Variants in NR3C1 observed in about 807,000 individuals in gnomAD.
NR3C1 encodes the protein glucocorticoid receptor.
Under a neutral mutation model 74.0 loss-of-function variants are expected in NR3C1, and 14 were observed. That is an observed-to-expected ratio of 0.19 (90% CI 0.12 to 0.30). The LOEUF is 0.30. Among genes scored for constraint, NR3C1 ranks in the 10% least tolerant of loss-of-function variants. The pLI is 1.00. For missense variants in NR3C1, 695 were observed against 909.8 expected (o/e 0.76, Z 3.04); for synonymous variants, 308 against 332.5 (o/e 0.93, Z 0.80).
intron 7 of NR3C1, among the ~76,000 whole-genome samples, chr5:143,292,997 T>C (rs1816294056): frequency 6.6e-6 from 1 of 152,240 alleles, no homozygotes. Context: ...TTGTGGTTTA[T>C]ATACACAAAC....
chr5:143,331,943 A>G (rs1826031845), intron 2 of NR3C1, among the ~76,000 whole-genome samples: 1 of 152,208 alleles, frequency 6.6e-6, no homozygotes, highest in Non-Finnish European at 1.5e-5. Context: ...AAGTTTAACA[A>G]AAAAGAATTG....
intron 1 of NR3C1, among the ~76,000 whole-genome samples, chr5:143,431,218 C>T (rs974649935): frequency 1.3e-5 from 2 of 152,062 alleles, no homozygotes; most frequent in Non-Finnish European, 2.9e-5. Flanking sequence ...ACACCCTTCC[C>T]CAGTGCATTC....
intron 2 of NR3C1, among the ~76,000 whole-genome samples, chr5:143,382,642 T>C (rs1836457676): frequency 6.6e-6 from 1 of 152,234 alleles, no homozygotes; most frequent in Non-Finnish European, 1.5e-5. Flanking sequence ...TTAGTCAGAT[T>C]CATACCCAGG....
At chr5:143,324,877 C>G (rs1189144402) in intron 2 of NR3C1, among the ~76,000 whole-genome samples, 2 of 152,184 alleles carry the variant, frequency 1.3e-5, no homozygotes, top group Non-Finnish European at 2.9e-5. Context: ...TGCTGCCAGT[C>G]TTTTTGCTAA....
chr5:143,313,121 T>A (rs1038593412), intron 3 of NR3C1, among the ~76,000 whole-genome samples: 1 of 152,246 alleles, frequency 6.6e-6, no homozygotes, highest in African/African-American at 2.4e-5. Flanking sequence ...AAAAAATTAA[T>A]ATAATCAGAG....
At chr5:143,379,778 G>T (rs1014698590) in intron 2 of NR3C1, among the ~76,000 whole-genome samples, 7 of 152,158 alleles carry the variant, frequency 4.6e-5, no homozygotes, top group Admixed American at 2.6e-4. Flanking sequence ...ACCATTCATT[G>T]CTACAGCCAA....
intron 1 of NR3C1, chr5:143,402,792 A>G (rs1265805765): frequency 1.0e-6 from 1 of 985,426 alleles, no homozygotes; most frequent in East Asian, 1.1e-4. Flanking sequence ...GGTGGCGTGC[A>G]AATATTCGGG....
intron 5 of NR3C1, among the ~76,000 whole-genome samples, 197 bp from the exon 6 acceptor site, chr5:143,299,009 T>TTG (rs1306668640): frequency 6.8e-6 from 1 of 146,552 alleles, no homozygotes; most frequent in Non-Finnish European, 1.5e-5. Context: ...TCTTGTGTTT[T>TTG]TTTTTTTTTT....
intron 1 of NR3C1, among the ~76,000 whole-genome samples, chr5:143,433,432 A>G: frequency 7.2e-6 from 1 of 139,270 alleles, no homozygotes; most frequent in Admixed American, 7.5e-5. Context: ...TTATATATAT[A>G]TATAATTTAT....
chr5:143,357,962 AC>A (rs755246234), intron 2 of NR3C1, among the ~76,000 whole-genome samples: 35 of 152,338 alleles, frequency 2.3e-4, no homozygotes, highest in Admixed American at 3.9e-4. Flanking sequence ...TAACAAAAAA[AC>A]GTAAGCACTT....
At chr5:143,306,296 A>G (rs555635914) in intron 4 of NR3C1, among the ~76,000 whole-genome samples, 45 of 152,310 alleles carry the variant, frequency 3.0e-4, no homozygotes, top group African/African-American at 1.0e-3. Flanking sequence ...TTCTGGGGCT[A>G]TCATCGAAAC....
chr5:143,405,012 A>G, upstream of NR3C1: 1 of 570,218 alleles, frequency 1.8e-6, no homozygotes, highest in Non-Finnish European at 2.2e-6. Context: ...TCCAAGGGGA[A>G]GGGAACTCGT....
At chr5:143,303,250 G>T in intron 4 of NR3C1, among the ~76,000 whole-genome samples, 1 of 140,868 alleles carries the variant, frequency 7.1e-6, no homozygotes, top group Non-Finnish European at 1.6e-5. Flanking sequence ...TGTGGGTGGG[G>T]GGGCGGGTGG....
At chr5:143,429,443 T>C (rs1305244941) in intron 1 of NR3C1, among the ~76,000 whole-genome samples, 1 of 152,126 alleles carries the variant, frequency 6.6e-6, no homozygotes, top group Non-Finnish European at 1.5e-5. Flanking sequence ...GGCATGAAAA[T>C]GTTAAGAGAT....
intron 1 of NR3C1, among the ~76,000 whole-genome samples, chr5:143,411,057 T>G (rs1841274822): frequency 6.6e-6 from 1 of 152,326 alleles, no homozygotes; most frequent in South Asian, 2.1e-4. Context: ...TTTTACTCCA[T>G]TTTACTATTA....
intron 2 of NR3C1, among the ~76,000 whole-genome samples, chr5:143,317,618 C>G (rs1304391843): frequency 6.6e-6 from 1 of 152,058 alleles, no homozygotes; most frequent in African/African-American, 2.4e-5. Context: ...TGTTAGAGTT[C>G]AGAGAGAGAA....
intron 1 of NR3C1, chr5:143,402,883 G>C: frequency 1.0e-6 from 1 of 966,772 alleles, no homozygotes; most frequent in Non-Finnish European, 1.2e-6. Flanking sequence ...GGGGACACTA[G>C]GGGGAGAAAA....
At chr5:143,419,693 C>A (rs1227407375) in intron 1 of NR3C1, among the ~76,000 whole-genome samples, 1 of 152,130 alleles carries the variant, frequency 6.6e-6, no homozygotes, top group Non-Finnish European at 1.5e-5. Flanking sequence ...TAGAATATCA[C>A]AAGGCAAATG....
At chr5:143,434,891 G>A in exon 1 of NR3C1, 2 of 985,202 alleles carry the variant, frequency 2.0e-6, no homozygotes, top group Non-Finnish European at 2.4e-6. Context: ...CCAACGATGA[G>A]CACAAACCAG....
Sources: allele counts gnomAD v4.1 joint callset (sites outside exome capture counted in the v4.1 genomes callset), GRCh38; gene constraint gnomAD v4.1.1; transcripts MANE v1.5; gene names NCBI Gene and HGNC (gene_info 2026-07-23, HGNC 2026-07-21).